The following ZNF407 variants were observed in gnomAD, a reference collection of about 807,000 sequenced individuals.
ZNF407 encodes zinc finger protein 407.
Under a neutral mutation model 131.2 loss-of-function variants are expected in ZNF407, and 17 were observed. That is an observed-to-expected ratio of 0.13 (90% CI 0.09 to 0.19). The LOEUF (loss-of-function observed/expected upper bound fraction) is 0.19. ZNF407 is among the 10% of genes least tolerant of loss of function. ZNF407 has a pLI of 1.00. For missense variants in ZNF407, 2,681 were observed against 2,830.6 expected, an observed-to-expected ratio of 0.95 and a Z score of 1.20; for synonymous variants, 1,156 against 1,062.0, an observed-to-expected ratio of 1.09 and a Z score of -1.72.
At chr18:74,808,771 C>T (rs2145084660) in intron 4 of ZNF407, among the ~76,000 whole-genome samples, 1 of 152,128 alleles carries the variant, frequency 6.6e-6, no homozygotes, top group South Asian at 2.1e-4. Context: ...TAGAGAAGTG[C>T]TTGTGCTTGT....
At chr18:74,812,270 A>G (rs2145089812) in intron 4 of ZNF407, among the ~76,000 whole-genome samples, 1 of 152,258 alleles carries the variant, frequency 6.6e-6, no homozygotes, top group African/African-American at 2.4e-5. Flanking sequence ...TTTATTTGAG[A>G]AGGTTGTGAA....
At chr18:74,682,910 C>G (rs1408996400) in intron 3 of ZNF407, among the ~76,000 whole-genome samples, 1 of 152,130 alleles carries the variant, frequency 6.6e-6, no homozygotes, top group Non-Finnish European at 1.5e-5. Flanking sequence ...GCTGGGGGAT[C>G]TTTCTGTGCA....
intron 3 of ZNF407, among the ~76,000 whole-genome samples, chr18:74,767,957 G>A (rs564167346): frequency 2.6e-4 from 40 of 151,446 alleles, no homozygotes; most frequent in South Asian, 1.0e-3. Flanking sequence ...GAGCTACTGC[G>A]CCCTGCCCCT....
intron 4 of ZNF407, among the ~76,000 whole-genome samples, chr18:74,826,347 T>C (rs758977470): frequency 8.5e-5 from 13 of 152,204 alleles, no homozygotes; most frequent in Non-Finnish European, 1.8e-4. Context: ...CTTTTTGCAT[T>C]TTATTTCATT....
intron 8 of ZNF407, among the ~76,000 whole-genome samples, chr18:75,001,828 G>A (rs1180630644): frequency 6.6e-6 from 1 of 152,214 alleles, no homozygotes; most frequent in Non-Finnish European, 1.5e-5. Context: ...GTTCTCACCT[G>A]GAGGAGATTC....
At chr18:74,870,282 G>A (rs745814332) in intron 4 of ZNF407, among the ~76,000 whole-genome samples, 1 of 152,150 alleles carries the variant, frequency 6.6e-6, no homozygotes, top group Non-Finnish European at 1.5e-5. Context: ...GCATGAGTGA[G>A]GTTAATTTTC....
chr18:74,969,874 A>G (rs1972452304), intron 8 of ZNF407, among the ~76,000 whole-genome samples: 1 of 152,118 alleles, frequency 6.6e-6, no homozygotes, highest in African/African-American at 2.4e-5. Context: ...TTCTCTTTGA[A>G]CTGTTCCACT....
At chr18:74,749,989 G>A (rs970041817) in intron 3 of ZNF407, among the ~76,000 whole-genome samples, 4 of 152,122 alleles carry the variant, frequency 2.6e-5, no homozygotes, top group African/African-American at 9.7e-5. Context: ...CAAAGTATGA[G>A]GTTGGTGCAA....
At chr18:74,624,174 C>T (rs192127598) in intron 1 of ZNF407, among the ~76,000 whole-genome samples, 31 of 152,112 alleles carry the variant, frequency 2.0e-4, no homozygotes, top group Admixed American at 8.5e-4. Context: ...CGCTTTGTTC[C>T]GGGGAGAGCC....
intron 1 of ZNF407, among the ~76,000 whole-genome samples, chr18:74,603,463 C>G (rs1013159674): frequency 4.6e-5 from 7 of 152,122 alleles, no homozygotes; most frequent in African/African-American, 1.7e-4. Flanking sequence ...TTAATGTGAG[C>G]AAAGCAAATG....
At chr18:75,013,893 G>C (rs941313670) in intron 8 of ZNF407, among the ~76,000 whole-genome samples, 14 of 152,124 alleles carry the variant, frequency 9.2e-5, no homozygotes, top group Admixed American at 1.3e-4. Context: ...TTTAGGTTCA[G>C]TACCTCAGTG....
chr18:74,812,849 A>G (rs1309871947), intron 4 of ZNF407, among the ~76,000 whole-genome samples: 1 of 151,916 alleles, frequency 6.6e-6, no homozygotes, highest in East Asian at 1.9e-4. Context: ...CTGTCCTTTG[A>G]TATGCCTTCT....
chr18:75,033,830 CA>C (rs1973273503), intron 8 of ZNF407, among the ~76,000 whole-genome samples: 1 of 151,126 alleles, frequency 6.6e-6, no homozygotes, highest in Non-Finnish European at 1.5e-5. Flanking sequence ...TGGGATATAT[CA>C]TCTTTAAAAG....
chr18:74,677,511 A>G (rs1008762036), intron 3 of ZNF407, among the ~76,000 whole-genome samples: 1 of 151,870 alleles, frequency 6.6e-6, no homozygotes, highest in African/African-American at 2.4e-5. Context: ...CATGTTTTAT[A>G]TTTGTCTGAT....
chr18:74,603,735 A>G (rs915919898), intron 1 of ZNF407, among the ~76,000 whole-genome samples: 1 of 152,210 alleles, frequency 6.6e-6, no homozygotes, highest in African/African-American at 2.4e-5. Flanking sequence ...ACATTCAAGC[A>G]CTGGAGAGAA....
chr18:74,911,097 C>A (rs1334595065), intron 7 of ZNF407, among the ~76,000 whole-genome samples: 2 of 152,160 alleles, frequency 1.3e-5, no homozygotes, highest in Non-Finnish European at 2.9e-5. Context: ...TGTACACATA[C>A]CTCTAATTGT....
chr18:74,616,844 C>G, intron 1 of ZNF407, among the ~76,000 whole-genome samples: 1 of 121,788 alleles, frequency 8.2e-6, no homozygotes, highest in East Asian at 2.3e-4. Context: ...ACGCACCACA[C>G]GCATCCATAT....
chr18:74,736,176 T>A (rs1323848354), intron 3 of ZNF407, among the ~76,000 whole-genome samples: 1 of 152,226 alleles, frequency 6.6e-6, no homozygotes, highest in African/African-American at 2.4e-5. Flanking sequence ...GCTTTTTTTT[T>A]AATTTCAAGA....
At chr18:74,888,381 T>C (rs1321312427) in intron 6 of ZNF407, among the ~76,000 whole-genome samples, 1 of 152,168 alleles carries the variant, frequency 6.6e-6, no homozygotes, top group African/African-American at 2.4e-5. Context: ...ATTTTTACAA[T>C]AGTTAATTTA....
Sources: allele counts gnomAD v4.1 joint callset (sites outside exome capture counted in the v4.1 genomes callset), GRCh38; gene constraint gnomAD v4.1.1; transcripts MANE v1.5; gene names NCBI Gene and HGNC (gene_info 2026-07-23, HGNC 2026-07-21).